GRM1: variants seen among roughly 807,000 people sequenced by gnomAD.
GRM1 encodes glutamate metabotropic receptor 1, also known as metabotropic glutamate receptor 1.
Under a neutral mutation model 90.9 loss-of-function variants are expected in GRM1, and 33 were observed. That is an observed-to-expected ratio of 0.36 (90% CI 0.28 to 0.49). GRM1 has a LOEUF of 0.49. GRM1 is among the 20% of genes least tolerant of loss of function. The pLI, the probability that GRM1 is intolerant of heterozygous loss-of-function variation, is 0.99. For missense variants in GRM1, 1,190 were observed against 1,534.3 expected, an observed-to-expected ratio of 0.78 and a Z score of 3.75; for synonymous variants, 700 against 613.2, an observed-to-expected ratio of 1.14 and a Z score of -2.09.
intron 1 of GRM1, among the ~76,000 whole-genome samples, chr6:146,120,223 C>T (rs1489351500): frequency 6.6e-6 from 1 of 152,120 alleles, no homozygotes; most frequent in Admixed American, 6.5e-5. Flanking sequence ...GGAGTTCACT[C>T]ATGATTTGGC....
chr6:146,046,672 T>A lies in GRM1; in HGVS notation c.700+16455T>A, dbSNP rs571024524. 1.0e-3 allele frequency among the ~76,000 whole-genome samples: 153 copies of A among 152,140 alleles called. 2 individuals are homozygous for A. Among genetic ancestry groups the A allele is most frequent in the African/African-American group, 3.5e-3 (147 of 41,548 alleles). On this transcript the variant is annotated intron_variant, in intron 1 of 7. Transcript: ENST00000282753. Reference sequence around the variant, plus strand: ...CCAGGCATCAGATATTAAAAATGAATCCAGGTGTGCAGAGGCCAATAAAGT... The same window carrying A: ...CCAGGCATCAGATATTAAAAATGAAACCAGGTGTGCAGAGGCCAATAAAGT...
At chr6:146,337,123 T>C (rs1351604755) in intron 3 of GRM1, among the ~76,000 whole-genome samples, 2 of 152,160 alleles carry the variant, frequency 1.3e-5, no homozygotes, top group Non-Finnish European at 2.9e-5. Context: ...TGGTGACCTC[T>C]GGAGATGTGG....
intron 1 of GRM1, among the ~76,000 whole-genome samples, chr6:146,044,232 T>G (rs1247599477): frequency 6.6e-6 from 1 of 151,954 alleles, no homozygotes; most frequent in Non-Finnish European, 1.5e-5. Context: ...TCTCCCTTCC[T>G]GTTTTCCCCT....
chr6:146,433,483 T>G (rs1778483249), intron 7 of GRM1, among the ~76,000 whole-genome samples: 4 of 152,022 alleles, frequency 2.6e-5, no homozygotes. Context: ...AACTAAGATT[T>G]TTTTTTTAAA....
intron 1 of GRM1, among the ~76,000 whole-genome samples, chr6:146,082,787 T>C (rs1776408090): frequency 6.6e-6 from 1 of 152,180 alleles, no homozygotes; most frequent in African/African-American, 2.4e-5. Flanking sequence ...TCAATGGTAG[T>C]TTGATGGGAA....
chr6:146,339,106 G>A (rs113104144), intron 3 of GRM1, among the ~76,000 whole-genome samples: 1,686 of 152,296 alleles, frequency 0.011, 21 homozygotes, highest in African/African-American at 0.039. Flanking sequence ...AAATGGAAAT[G>A]CAATCACTGT....
At chr6:146,053,020 G>C in intron 1 of GRM1, among the ~76,000 whole-genome samples, 1 of 152,000 alleles carries the variant, frequency 6.6e-6, no homozygotes. Context: ...ACTAGACATT[G>C]CTAATTGACC....
chr6:146,308,525 G>A (rs1406429296), intron 3 of GRM1, among the ~76,000 whole-genome samples: 2 of 152,318 alleles, frequency 1.3e-5, no homozygotes, highest in Non-Finnish European at 2.9e-5. Context: ...ATCCCAGGAT[G>A]TGGAAACTAG....
chr6:146,089,919 C>T (rs1776662010), intron 1 of GRM1, among the ~76,000 whole-genome samples: 1 of 152,084 alleles, frequency 6.6e-6, no homozygotes, highest in African/African-American at 2.4e-5. Context: ...GTTATCTCTT[C>T]TGCAAATTGC....
chr6:146,036,184 A>T (rs1417742736), intron 1 of GRM1, among the ~76,000 whole-genome samples: 1 of 151,968 alleles, frequency 6.6e-6, no homozygotes, highest in Non-Finnish European at 1.5e-5. Context: ...GTTCACAAAG[A>T]GACTTATCAA....
intron 1 of GRM1, among the ~76,000 whole-genome samples, chr6:146,038,596 A>T (rs940578816): frequency 2.6e-5 from 4 of 152,102 alleles, no homozygotes; most frequent in African/African-American, 9.6e-5. Context: ...GTGAAAATAA[A>T]GAGGGAAAAT....
chr6:146,030,559 C>T (rs967841819), intron 1 of GRM1, among the ~76,000 whole-genome samples: 1 of 152,110 alleles, frequency 6.6e-6, no homozygotes, highest in East Asian at 1.9e-4. Context: ...GTTATATTGC[C>T]CTTCAGTGAC....
intron 1 of GRM1, among the ~76,000 whole-genome samples, chr6:146,062,172 G>C (rs1162607804): frequency 1.3e-5 from 2 of 152,114 alleles, no homozygotes; most frequent in Admixed American, 1.3e-4. Flanking sequence ...CACAAAAAGG[G>C]ATGAGTTCAT....
At chr6:146,288,048 C>T (rs919209965) in intron 2 of GRM1, among the ~76,000 whole-genome samples, 1 of 152,164 alleles carries the variant, frequency 6.6e-6, no homozygotes, top group African/African-American at 2.4e-5. Context: ...GCAACACATA[C>T]ATAGAAATGT....
chr6:146,237,971 A>T (rs539154112), intron 2 of GRM1, among the ~76,000 whole-genome samples: 1 of 152,286 alleles, frequency 6.6e-6, no homozygotes, highest in Admixed American at 6.5e-5. Context: ...ACCTCCAGGT[A>T]TTGGTTGTTG....
chr6:146,028,256 TG>T, upstream of GRM1, among the ~76,000 whole-genome samples: 1 of 150,184 alleles, frequency 6.7e-6, no homozygotes, highest in Non-Finnish European at 1.5e-5. Context: ...TGTGTGTGTG[TG>T]TGTGTGTGTG....
intron 6 of GRM1, among the ~76,000 whole-genome samples, chr6:146,398,523 A>G (rs540071700): frequency 1.3e-5 from 2 of 152,210 alleles, no homozygotes; most frequent in Non-Finnish European, 1.5e-5. Context: ...TTGGAAGAAA[A>G]GATCATTTTT....
intron 3 of GRM1, among the ~76,000 whole-genome samples, chr6:146,326,318 C>T (rs1784398486): frequency 6.6e-6 from 1 of 152,120 alleles, no homozygotes; most frequent in African/African-American, 2.4e-5. Flanking sequence ...AGGCCATTAT[C>T]CTTGGCGAAC....
chr6:146,296,046 A>T (rs1315094952), intron 2 of GRM1, among the ~76,000 whole-genome samples: 3 of 152,234 alleles, frequency 2.0e-5, no homozygotes, highest in Non-Finnish European at 2.9e-5. Flanking sequence ...CCCGTAAAAG[A>T]CATGACTTCA....
Sources: allele counts gnomAD v4.1 joint callset (sites outside exome capture counted in the v4.1 genomes callset), GRCh38; gene constraint gnomAD v4.1.1; transcripts MANE v1.5; gene names NCBI Gene and HGNC (gene_info 2026-07-23, HGNC 2026-07-21).